GULP1: variants seen among roughly 807,000 people sequenced by gnomAD.
The protein encoded by GULP1 is PTB domain-containing engulfment adapter protein 1.
A neutral mutation model predicts 40.9 loss-of-function variants in GULP1; 19 were observed. The observed-to-expected ratio is 0.46, with a 90% CI of 0.32 to 0.68. The LOEUF (loss-of-function observed/expected upper bound fraction) is 0.68. Among genes scored for constraint, GULP1 ranks in the 30% least tolerant of loss-of-function variants. GULP1 has a pLI of 0.03. For synonymous variants in GULP1, 119 were observed against 117.6 expected (o/e 1.01, Z -0.08); for missense variants, 312 against 362.2 (o/e 0.86, Z 1.12).
chr2:188,338,279 ATTT>A (rs202235413), intron 1 of GULP1, among the ~76,000 whole-genome samples: 3 of 138,464 alleles, frequency 2.2e-5, no homozygotes, highest in African/African-American at 2.7e-5. Flanking sequence ...GGGGAAAACA[ATTT>A]TTTTTTTTTT....
chr2:188,433,447 A>G (rs965413126), intron 2 of GULP1, among the ~76,000 whole-genome samples: 3 of 152,132 alleles, frequency 2.0e-5, no homozygotes, highest in African/African-American at 4.8e-5. Context: ...AAGGCAATGG[A>G]GAAGATCCTT....
chr2:188,437,526 A>C (rs774309364), intron 2 of GULP1, among the ~76,000 whole-genome samples: 1 of 152,120 alleles, frequency 6.6e-6, no homozygotes, highest in South Asian at 2.1e-4. Context: ...AATGTTTAGT[A>C]GTTCTGAGTT....
At chr2:188,353,455 T>G (rs72909512) in intron 1 of GULP1, among the ~76,000 whole-genome samples, 18,392 of 152,172 alleles carry the variant, frequency 0.12, 1,277 homozygotes, top group Middle Eastern at 0.17. Context: ...AAATCATTGC[T>G]GTGTGCTGCC....
At chr2:188,293,042 G>C (rs2034129376) in intron 1 of GULP1, 1 of 152,626 alleles carries the variant, frequency 6.6e-6, no homozygotes. Context: ...GGTTTTCTTG[G>C]AATGTGTTTA....
intron 1 of GULP1, among the ~76,000 whole-genome samples, chr2:188,322,874 A>C (rs1188297479): frequency 6.6e-6 from 1 of 152,036 alleles, no homozygotes; most frequent in Non-Finnish European, 1.5e-5. Flanking sequence ...ACTCTTGTTC[A>C]TGGCAGCCCT....
intron 1 of GULP1, among the ~76,000 whole-genome samples, chr2:188,332,109 A>T (rs886173273): frequency 1.3e-5 from 2 of 151,540 alleles, no homozygotes; most frequent in Non-Finnish European, 2.9e-5. Flanking sequence ...CTCTTCCAAT[A>T]TTCTCTAAGG....
In GULP1 at chr2:188,410,773, G is replaced by A. The variant is rs182654680; in HGVS notation, c.-45+26884G>A. Among the ~76,000 whole-genome samples the A allele has an allele frequency of 3.9e-4, 60 of 152,232 alleles. 1 individual carries two copies. In the South Asian group the frequency reaches 6.0e-3, roughly 15 times the overall value. Reference sequence around the variant, plus strand: ...AGGTTAGCAGATGGAAGAGGTCTGTGGGAGTTCACTCAGGCTGGTGGGAAA... The same window carrying A: ...AGGTTAGCAGATGGAAGAGGTCTGTAGGAGTTCACTCAGGCTGGTGGGAAA... On this transcript the variant is annotated intron_variant, in intron 2 of 11. Transcript: ENST00000409830.
chr2:188,499,899 C>T (rs1208871265), intron 4 of GULP1, among the ~76,000 whole-genome samples: 3 of 151,740 alleles, frequency 2.0e-5, no homozygotes, highest in African/African-American at 4.8e-5. Flanking sequence ...AAGCTGTTTT[C>T]GGGAATGATT....
At chr2:188,325,662 T>C (rs1012289500) in intron 1 of GULP1, among the ~76,000 whole-genome samples, 1 of 152,120 alleles carries the variant, frequency 6.6e-6, no homozygotes, top group Non-Finnish European at 1.5e-5. Flanking sequence ...TTCTCTTGGC[T>C]TTTTATCCTA....
At chr2:188,534,424 T>C (rs2153274956) in intron 6 of GULP1, among the ~76,000 whole-genome samples, 1 of 152,206 alleles carries the variant, frequency 6.6e-6, no homozygotes, top group African/African-American at 2.4e-5. Flanking sequence ...TACTTATAAG[T>C]GGGTACTTAT....
intron 1 of GULP1, among the ~76,000 whole-genome samples, chr2:188,301,282 C>T (rs1458625619): frequency 6.6e-6 from 1 of 152,176 alleles, no homozygotes; most frequent in Non-Finnish European, 1.5e-5. Context: ...CTTTGACCTG[C>T]CAATGTGCTG....
intron 1 of GULP1, among the ~76,000 whole-genome samples, chr2:188,336,237 T>C (rs1021299928): frequency 1.3e-5 from 2 of 152,162 alleles, no homozygotes; most frequent in Non-Finnish European, 2.9e-5. Context: ...ACTTCTGATA[T>C]TTTTCTCTTC....
chr2:188,523,672 G>A (rs1212603766), intron 5 of GULP1, among the ~76,000 whole-genome samples: 1 of 152,008 alleles, frequency 6.6e-6, no homozygotes, highest in East Asian at 1.9e-4. Context: ...TCTAAAGGAG[G>A]GTTAGACCTC....
intron 2 of GULP1, among the ~76,000 whole-genome samples, chr2:188,436,645 T>C (rs2152842494): frequency 6.6e-6 from 1 of 152,238 alleles, no homozygotes; most frequent in South Asian, 2.1e-4. Context: ...AAAAGTTATT[T>C]TTTATTTTTT....
intron 1 of GULP1, among the ~76,000 whole-genome samples, chr2:188,342,408 G>A (rs2043093395): frequency 6.6e-6 from 1 of 152,024 alleles, no homozygotes; most frequent in Admixed American, 6.6e-5. Context: ...CTTTTATAAG[G>A]ACACTGATCA....
At chr2:188,565,483 A>G (rs894430544) in intron 7 of GULP1, among the ~76,000 whole-genome samples, 1 of 152,036 alleles carries the variant, frequency 6.6e-6, no homozygotes, top group African/African-American at 2.4e-5. Context: ...TTTAAAACAC[A>G]TTACTATAGC....
chr2:188,303,325 C>T (rs10187791), intron 1 of GULP1, among the ~76,000 whole-genome samples: 23,452 of 152,064 alleles, frequency 0.15, 1,964 homozygotes, highest in African/African-American at 0.17. Context: ...TATTATTGCT[C>T]GCTTTAGCTG....
At chr2:188,463,505 C>G (rs1184757055) in intron 2 of GULP1, among the ~76,000 whole-genome samples, 1 of 152,050 alleles carries the variant, frequency 6.6e-6, no homozygotes, top group East Asian at 1.9e-4. Context: ...TGGATTAGAT[C>G]TCCTTGGTGT....
At chr2:188,544,888 G>A (rs1157395173) in intron 7 of GULP1, among the ~76,000 whole-genome samples, 1 of 151,972 alleles carries the variant, frequency 6.6e-6, no homozygotes, top group East Asian at 1.9e-4. Context: ...AAAATACTGA[G>A]TGATCTCCAA....
Sources: gnomAD v4.1 joint callset for allele counts (sites outside exome capture counted in the v4.1 genomes callset) on GRCh38, gnomAD v4.1.1 for gene constraint, MANE v1.5 for transcripts, NCBI Gene and HGNC (gene_info 2026-07-23, HGNC 2026-07-21) for gene names.